The following DOCK4 variants were observed in gnomAD, a reference collection of about 807,000 sequenced individuals.
The protein encoded by DOCK4 is dedicator of cytokinesis 4.
Under a neutral mutation model 268.1 loss-of-function variants are expected in DOCK4, and 97 were observed. The ratio of observed to expected loss-of-function variants is 0.36; its 90% CI spans 0.31 to 0.43. The LOEUF is 0.43. Ranked by LOEUF, DOCK4 falls within the 20% of genes least tolerant of loss-of-function variation. The pLI, the probability that DOCK4 is intolerant of heterozygous loss-of-function variation, is 1.00. For missense variants in DOCK4, 2,145 were observed against 2,455.7 expected (o/e 0.87, Z 2.67); for synonymous variants, 954 against 887.2 (o/e 1.08, Z -1.34).
intron 52 of DOCK4, among the ~76,000 whole-genome samples, chr7:111,730,840 G>A (rs1034474566): frequency 6.6e-6 from 1 of 152,130 alleles, no homozygotes; most frequent in Non-Finnish European, 1.5e-5. Context: ...CAGGTCTGCT[G>A]AGAGACAGTA....
intron 1 of DOCK4, among the ~76,000 whole-genome samples, chr7:112,066,432 T>A (rs1806940436): frequency 6.6e-6 from 1 of 151,434 alleles, no homozygotes; most frequent in Non-Finnish European, 1.5e-5. Flanking sequence ...CAACTCAGTC[T>A]TCATTATTGC....
chr7:111,731,963 C>T (rs951968573), intron 52 of DOCK4, among the ~76,000 whole-genome samples: 7 of 152,186 alleles, frequency 4.6e-5, no homozygotes, highest in African/African-American at 1.7e-4. Context: ...AGTATATGCA[C>T]TGACTTCAGT....
At chr7:112,057,881 T>A (rs1203691251) in intron 1 of DOCK4, among the ~76,000 whole-genome samples, 2 of 152,024 alleles carry the variant, frequency 1.3e-5, no homozygotes, top group East Asian at 3.9e-4. Context: ...CTAAAAAAAA[T>A]TAAATGATAG....
intron 22 of DOCK4, among the ~76,000 whole-genome samples, chr7:111,865,816 A>G (rs1322867977): frequency 6.6e-6 from 1 of 152,212 alleles, no homozygotes; most frequent in Non-Finnish European, 1.5e-5. Context: ...TTGAGGAAGG[A>G]GCAGCCATGT....
At chr7:111,997,724 T>A (rs1054950956) in intron 4 of DOCK4, among the ~76,000 whole-genome samples, 1 of 152,206 alleles carries the variant, frequency 6.6e-6, no homozygotes, top group Non-Finnish European at 1.5e-5. Context: ...TATGCAATGA[T>A]CATGTGAATA....
chr7:112,079,591 C>A (rs1477307472), intron 1 of DOCK4, among the ~76,000 whole-genome samples: 1 of 152,102 alleles, frequency 6.6e-6, no homozygotes, highest in African/African-American at 2.4e-5. Context: ...GGTCTAGAGA[C>A]CCTGTACTAA....
chr7:111,792,595 C>T (rs1204153134), intron 30 of DOCK4, among the ~76,000 whole-genome samples: 1 of 152,056 alleles, frequency 6.6e-6, no homozygotes, highest in Non-Finnish European at 1.5e-5. Flanking sequence ...GTTGCCCAGG[C>T]TGGTCTTGAA....
chr7:111,879,030 C>A (rs1349428754), intron 16 of DOCK4, among the ~76,000 whole-genome samples: 1 of 151,988 alleles, frequency 6.6e-6, no homozygotes, highest in African/African-American at 2.4e-5. Context: ...AATCCCTCCC[C>A]CAACCCCAGG....
At chr7:112,151,703 T>C (rs1276044304) in intron 1 of DOCK4, among the ~76,000 whole-genome samples, 2 of 152,002 alleles carry the variant, frequency 1.3e-5, no homozygotes, top group Non-Finnish European at 2.9e-5. Flanking sequence ...TGTTTTTGTT[T>C]TATTTAAATG....
At chr7:112,171,004 A>C (rs1447471346) in intron 1 of DOCK4, among the ~76,000 whole-genome samples, 1 of 152,232 alleles carries the variant, frequency 6.6e-6, no homozygotes, top group Non-Finnish European at 1.5e-5. Context: ...AGGAAGGCTA[A>C]ACTAACGTGA....
chr7:112,001,360 A>C (rs1800408841), intron 2 of DOCK4, among the ~76,000 whole-genome samples: 1 of 152,088 alleles, frequency 6.6e-6, no homozygotes, highest in South Asian at 2.1e-4. Context: ...GCTCAGTTCC[A>C]CCCAGGACAT....
chr7:112,086,725 G>A (rs1045847680), intron 1 of DOCK4, among the ~76,000 whole-genome samples: 2 of 152,086 alleles, frequency 1.3e-5, no homozygotes, highest in African/African-American at 2.4e-5. Context: ...ACATCTAACC[G>A]ATTCTGACAG....
intron 22 of DOCK4, among the ~76,000 whole-genome samples, chr7:111,866,588 G>A (rs775615568): frequency 2.6e-5 from 4 of 152,168 alleles, no homozygotes; most frequent in Non-Finnish European, 4.4e-5. Flanking sequence ...GTGTTGAAGA[G>A]GTGAGAGCAG....
chr7:112,128,176 T>G (rs1040641999), intron 1 of DOCK4, among the ~76,000 whole-genome samples: 8 of 152,228 alleles, frequency 5.3e-5, no homozygotes, highest in Admixed American at 5.2e-4. Flanking sequence ...TCCCCAATCC[T>G]AAAAGATTCT....
At chr7:111,935,330 A>G (rs1562908815) in intron 12 of DOCK4, 2 of 612,960 alleles carry the variant, frequency 3.3e-6, no homozygotes, top group South Asian at 1.7e-5. Context: ...TCGTTTCAAC[A>G]AGAATAGAAT....
intron 13 of DOCK4, among the ~76,000 whole-genome samples, chr7:111,902,855 C>T (rs1309706045): frequency 3.9e-5 from 6 of 151,946 alleles, no homozygotes; most frequent in Admixed American, 2.0e-4. Flanking sequence ...CTGCAAGCTC[C>T]GCCTCCCAGG....
chr7:112,050,423 A>G (rs1805238212), intron 1 of DOCK4, among the ~76,000 whole-genome samples: 1 of 152,150 alleles, frequency 6.6e-6, no homozygotes, highest in South Asian at 2.1e-4. Flanking sequence ...CTTGCCCAAC[A>G]ACCTTTTTAG....
intron 23 of DOCK4, among the ~76,000 whole-genome samples, chr7:111,856,138 T>C (rs1005273533): frequency 1.3e-5 from 2 of 152,210 alleles, no homozygotes; most frequent in African/African-American, 4.8e-5. Flanking sequence ...TCTGAAAATC[T>C]GTGCAAATGT....
intron 1 of DOCK4, among the ~76,000 whole-genome samples, chr7:112,006,120 GC>G (rs1245034808): frequency 2.0e-5 from 3 of 152,096 alleles, no homozygotes; most frequent in Non-Finnish European, 4.4e-5. Flanking sequence ...ATAGCATCAA[GC>G]CTGGCATTTT....
Sources: gnomAD v4.1 joint callset for allele counts (sites outside exome capture counted in the v4.1 genomes callset) on GRCh38, gnomAD v4.1.1 for gene constraint, MANE v1.5 for transcripts, NCBI Gene and HGNC (gene_info 2026-07-23, HGNC 2026-07-21) for gene names.